DCLK3: variants seen among roughly 807,000 people sequenced by gnomAD.
DCLK3 encodes serine/threonine-protein kinase DCLK3.
In DCLK3, 30 loss-of-function variants were observed where a neutral mutation model predicts 46.4. The ratio of observed to expected loss-of-function variants is 0.65; its 90% CI spans 0.48 to 0.88. The LOEUF is 0.88. DCLK3 is among the 40% of genes least tolerant of loss of function. The pLI is 0.00. For missense variants in DCLK3, 846 were observed against 907.1 expected (o/e 0.93, Z 0.87); for synonymous variants, 401 against 339.2 (o/e 1.18, Z -2.00).
At chr3:36,744,150 C>T (rs1323128805) in intron 1 of DCLK3, among the ~76,000 whole-genome samples, 1 of 152,108 alleles carries the variant, frequency 6.6e-6, no homozygotes, top group Non-Finnish European at 1.5e-5. Flanking sequence ...ATGCAAACCC[C>T]CCAACTCTGC....
chr3:36,740,897 G>C (rs1430691316), intron 1 of DCLK3, among the ~76,000 whole-genome samples: 1 of 152,066 alleles, frequency 6.6e-6, no homozygotes, highest in African/African-American at 2.4e-5. Context: ...ATGAGATTTT[G>C]GCCCAGCAAA....
intron 1 of DCLK3, among the ~76,000 whole-genome samples, chr3:36,752,179 C>T (rs1350806330): frequency 6.6e-6 from 1 of 152,240 alleles, no homozygotes; most frequent in Non-Finnish European, 1.5e-5. Context: ...ACAAGGACAG[C>T]CCATAATCAA....
chr3:36,738,106 C>T lies in DCLK3; in HGVS notation c.1061G>A (p.Arg354Lys), dbSNP rs764032494. The T allele has an allele frequency of 1.2e-6, 2 of 1,613,828 alleles. No homozygotes were observed. Among genetic ancestry groups the T allele is most frequent in the South Asian group, 1.1e-5 (1 of 90,986 alleles). Residue 354 changes from arginine (R) to lysine (K), a missense_variant, in exon 2 of 5, where the codon AGG becomes AAG. Arg to Lys is a conservative substitution (Grantham distance 26). Coordinates refer to ENST00000636136, the MANE Select transcript of DCLK3 (RefSeq NM_001394672.2). ...EKLVRTRSCR[R>K]SPEANPASGE... ...ACTTGCAGGATTTGCCTCGGGAGACCTCCTGCAGCTTCTGGTCCTCACCAG... is the reference window on the plus strand; with the variant it reads ...ACTTGCAGGATTTGCCTCGGGAGACTTCCTGCAGCTTCTGGTCCTCACCAG...
chr3:36,718,033 G>T lies in DCLK3; in HGVS notation c.2237C>A (p.Pro746His). The T allele has an allele frequency of 1.2e-6, 2 of 1,614,142 alleles. No individual in the cohort carries two copies. Among genetic ancestry groups the T allele is most frequent in the Non-Finnish European group, 1.7e-6 (2 of 1,180,010 alleles). ...IQLGHFEFLP[P>H]YWDNISDAAK... is the part of the protein sequence containing the mutation. ...ACCATCAGAGATATTGTCCCAGTAAGGGGGGAGGAACTCAAAGTGGCCCAG... is the reference window on the plus strand; with the variant it reads ...ACCATCAGAGATATTGTCCCAGTAATGGGGGAGGAACTCAAAGTGGCCCAG... Residue 746 changes from proline to histidine, a missense_variant, in exon 4 of 5, where the codon CCT becomes CAT. Physicochemically the swap from Pro to His is moderately conservative, Grantham distance 77. Coordinates refer to ENST00000636136, the MANE Select transcript of DCLK3 (RefSeq NM_001394672.2).
intron 4 of DCLK3, among the ~76,000 whole-genome samples, chr3:36,716,416 C>T (rs116105654): frequency 1.2e-4 from 19 of 152,340 alleles, no homozygotes; most frequent in African/African-American, 4.6e-4. Flanking sequence ...TCCTCCTACA[C>T]CACCCAATTC....
chr3:36,734,325 C>A (rs1247429285), intron 2 of DCLK3, among the ~76,000 whole-genome samples: 5 of 152,146 alleles, frequency 3.3e-5, no homozygotes, highest in African/African-American at 7.2e-5. Context: ...ATATGTTAAA[C>A]TTTACTCACC....
chr3:36,740,163 C>T (rs1701329518), intron 1 of DCLK3, among the ~76,000 whole-genome samples: 1 of 142,884 alleles, frequency 7.0e-6, no homozygotes, highest in African/African-American at 2.6e-5. Flanking sequence ...AGTAAGAATG[C>T]TACACCTCCC....
At chr3:36,757,375 T>TA (rs1230543354) in intron 1 of DCLK3, among the ~76,000 whole-genome samples, 4 of 152,106 alleles carry the variant, frequency 2.6e-5, no homozygotes, top group Non-Finnish European at 5.9e-5. Context: ...GCTCTTAAAA[T>TA]AAAAACTGAA....
intron 2 of DCLK3, among the ~76,000 whole-genome samples, chr3:36,728,436 A>G (rs1701151383): frequency 6.6e-6 from 1 of 152,200 alleles, no homozygotes; most frequent in African/African-American, 2.4e-5. Flanking sequence ...CCAAGTGCAG[A>G]AGATCTGCCC....
At chr3:36,718,694 T>C (rs1482381658) in intron 3 of DCLK3, among the ~76,000 whole-genome samples, 4 of 152,204 alleles carry the variant, frequency 2.6e-5, no homozygotes, top group Non-Finnish European at 5.9e-5. Context: ...CAGTCTACAC[T>C]AGCAATCTCT....
chr3:36,716,052 T>A (rs1700976073), intron 4 of DCLK3, among the ~76,000 whole-genome samples: 1 of 152,212 alleles, frequency 6.6e-6, no homozygotes, highest in African/African-American at 2.4e-5. Context: ...TTGACAAAAC[T>A]GAAAACCGTG....
intron 1 of DCLK3, among the ~76,000 whole-genome samples, chr3:36,740,914 C>T (rs916139474): frequency 6.6e-6 from 1 of 152,180 alleles, no homozygotes; most frequent in South Asian, 2.1e-4. Context: ...CAAATCTACA[C>T]AGAATGTTTT....
chr3:36,729,576 GAACA>G (rs1701172412), intron 2 of DCLK3, among the ~76,000 whole-genome samples: 1 of 152,164 alleles, frequency 6.6e-6, no homozygotes, highest in African/African-American at 2.4e-5. Context: ...TTATTTTTCT[GAACA>G]ATTAACTCTG....
At chr3:36,739,261 C>T (rs1187923088) in intron 1 of DCLK3, among the ~76,000 whole-genome samples, 177 bp from the exon 2 acceptor site, 1 of 152,226 alleles carries the variant, frequency 6.6e-6, no homozygotes, top group African/African-American at 2.4e-5. Flanking sequence ...CCAGTCTCCT[C>T]TACACCAGGA....
intron 1 of DCLK3, chr3:36,739,989 C>T (rs1327010520): frequency 6.6e-6 from 1 of 152,012 alleles, no homozygotes; most frequent in African/African-American, 2.4e-5. Context: ...TTTTTTTCAG[C>T]TTGACTTTGA....
At position 36,713,115 on chromosome 3, in the gene DCLK3, G is replaced by A. The variant is rs1029704136; in HGVS notation, c.*2213C>T. The A allele has an allele frequency of 2.0e-5, 3 of 152,162 alleles. No individual in the cohort carries two copies. The highest frequency in any genetic ancestry group is 2.0e-4 in the Admixed American group (3 of 15,272). 9.4% of individuals were successfully genotyped at this position (152,162 alleles called of 1,614,324 possible). ...TGGTAAGGTCAGTCTTCTCATTTTA[G>A]CCATTTAATTTTAGCTATTCTAATG... On this transcript the variant is annotated 3_prime_UTR_variant, in exon 5 of 5. Coordinates refer to ENST00000636136, the MANE Select transcript of DCLK3 (RefSeq NM_001394672.2).
intron 2 of DCLK3, 140 bp from the exon 3 acceptor site, chr3:36,721,799 A>C (rs1437496269): frequency 2.0e-6 from 2 of 989,320 alleles, no homozygotes; most frequent in Non-Finnish European, 2.9e-6. Flanking sequence ...AACACTGACA[A>C]AGCTAACTTG....
At chr3:36,734,606 G>C (rs1054864744) in intron 2 of DCLK3, among the ~76,000 whole-genome samples, 2 of 151,918 alleles carry the variant, frequency 1.3e-5, no homozygotes, top group African/African-American at 4.8e-5. Context: ...TCACAAAAAA[G>C]AAAGGGTCTA....
chr3:36,742,070 G>A (rs905588465), intron 1 of DCLK3, among the ~76,000 whole-genome samples: 5 of 152,164 alleles, frequency 3.3e-5, no homozygotes, highest in African/African-American at 9.7e-5. Flanking sequence ...CCTCCTAAAA[G>A]GTCCAAGATG....
Sources: allele counts gnomAD v4.1 joint callset (sites outside exome capture counted in the v4.1 genomes callset), GRCh38; gene constraint gnomAD v4.1.1; transcripts MANE v1.5; gene names NCBI Gene and HGNC (gene_info 2026-07-23, HGNC 2026-07-21).